Variants in NKAIN2 observed in about 807,000 individuals in gnomAD.
NKAIN2 encodes sodium/potassium transporting ATPase interacting 2.
Under a neutral mutation model 32.6 loss-of-function variants are expected in NKAIN2, and 14 were observed. The ratio of observed to expected loss-of-function variants is 0.43; its 90% CI spans 0.28 to 0.67. The LOEUF is 0.67. Among genes scored for constraint, NKAIN2 ranks in the 30% least tolerant of loss-of-function variants. The probability of loss-of-function intolerance (pLI) is 0.17; values close to 1 mark genes in which losing one functional copy is unlikely to be tolerated. For missense variants in NKAIN2, 198 were observed against 258.3 expected (o/e 0.77, Z 1.60); for synonymous variants, 80 against 87.2 (o/e 0.92, Z 0.46).
intron 3 of NKAIN2, among the ~76,000 whole-genome samples, chr6:124,358,675 C>T (rs1799110921): frequency 6.6e-6 from 1 of 152,070 alleles, no homozygotes; most frequent in African/African-American, 2.4e-5. Flanking sequence ...GATATTGGCC[C>T]TTTGTCAGAT....
intron 1 of NKAIN2, among the ~76,000 whole-genome samples, chr6:124,281,332 C>A (rs867938704): frequency 1.3e-5 from 2 of 152,098 alleles, no homozygotes; most frequent in South Asian, 4.1e-4. Context: ...TTTTTGATAC[C>A]ATTCACAGAT....
chr6:124,191,707 A>G (rs144410991), intron 1 of NKAIN2, among the ~76,000 whole-genome samples: 87 of 152,314 alleles, frequency 5.7e-4, no homozygotes, highest in African/African-American at 1.8e-3. Context: ...ATCATTAAGT[A>G]TAAGGTTAGC....
intron 1 of NKAIN2, among the ~76,000 whole-genome samples, chr6:124,094,895 A>G (rs1282089045): frequency 6.6e-6 from 1 of 152,126 alleles, no homozygotes; most frequent in African/African-American, 2.4e-5. Flanking sequence ...AAAGTTTAAG[A>G]TTCACTTTTC....
chr6:124,344,776 A>G (rs564286752), intron 2 of NKAIN2, among the ~76,000 whole-genome samples: 68 of 152,330 alleles, frequency 4.5e-4, no homozygotes, highest in Middle Eastern at 3.4e-3. Flanking sequence ...TGTCATCTGC[A>G]AACAGGGACA....
chr6:124,779,253 G>T (rs1397687646), intron 4 of NKAIN2, among the ~76,000 whole-genome samples: 3 of 25,140 alleles, frequency 1.2e-4, no homozygotes, highest in African/African-American at 2.3e-4. Context: ...AAGAAAGAGA[G>T]AGAGAGAGAG....
chr6:123,946,036 A>G (rs1048688606), intron 1 of NKAIN2, among the ~76,000 whole-genome samples: 5 of 152,138 alleles, frequency 3.3e-5, no homozygotes, highest in African/African-American at 1.2e-4. Flanking sequence ...GCATTGGAGA[A>G]TAATGTATAA....
At chr6:124,415,757 C>CCT (rs959567288) in intron 3 of NKAIN2, among the ~76,000 whole-genome samples, 1 of 151,904 alleles carries the variant, frequency 6.6e-6, no homozygotes. Context: ...ACTTTAGAGA[C>CCT]TCTAAGGACT....
chr6:124,580,945 T>A (rs1242673916), intron 3 of NKAIN2, among the ~76,000 whole-genome samples: 1 of 151,874 alleles, frequency 6.6e-6, no homozygotes, highest in Non-Finnish European at 1.5e-5. Flanking sequence ...ACAAAGAAGG[T>A]CATTATATAA....
intron 1 of NKAIN2, among the ~76,000 whole-genome samples, chr6:123,980,648 G>T (rs1299542958): frequency 6.6e-6 from 1 of 152,150 alleles, no homozygotes; most frequent in Non-Finnish European, 1.5e-5. Flanking sequence ...TTCCAAACAA[G>T]ATTTGAATAC....
intron 4 of NKAIN2, among the ~76,000 whole-genome samples, chr6:124,694,338 T>G (rs1295790855): frequency 6.6e-6 from 1 of 152,206 alleles, no homozygotes; most frequent in African/African-American, 2.4e-5. Flanking sequence ...AGCAGTATTC[T>G]GTTCCTCTGT....
rs531396800 is a variant in NKAIN2, at chr6:124,682,299, T to A, written c.474+23913T>A. Among the ~76,000 whole-genome samples the A allele has an allele frequency of 2.6e-5, 4 of 152,272 alleles. No homozygotes were observed. In the South Asian group the frequency reaches 8.3e-4, roughly 32 times the overall value. On this transcript the variant is annotated intron_variant, in intron 4 of 6. Transcript: ENST00000368417. ...TGACTAGTTCCCATTATAGGAAGGATGACCTTGTAGTCATAAGTTAGAAAA... is the reference window on the plus strand; with the variant it reads ...TGACTAGTTCCCATTATAGGAAGGAAGACCTTGTAGTCATAAGTTAGAAAA...
chr6:124,120,410 A>G (rs1785823716), intron 1 of NKAIN2, among the ~76,000 whole-genome samples: 2 of 152,176 alleles, frequency 1.3e-5, no homozygotes, highest in South Asian at 4.1e-4. Context: ...ATCAAGAGTA[A>G]TATACTTAAG....
intron 2 of NKAIN2, among the ~76,000 whole-genome samples, chr6:124,305,804 C>T (rs539404785): frequency 3.9e-5 from 6 of 152,264 alleles, no homozygotes; most frequent in African/African-American, 1.2e-4. Flanking sequence ...TCAATATACT[C>T]ATTGCCATTT....
At chr6:124,146,363 A>G (rs1038313737) in intron 1 of NKAIN2, among the ~76,000 whole-genome samples, 4 of 152,214 alleles carry the variant, frequency 2.6e-5, no homozygotes, top group African/African-American at 7.2e-5. Flanking sequence ...TTACTTTATC[A>G]TTTTGTACTC....
intron 3 of NKAIN2, among the ~76,000 whole-genome samples, chr6:124,423,545 T>G (rs1298466116): frequency 6.6e-6 from 1 of 152,230 alleles, no homozygotes; most frequent in Non-Finnish European, 1.5e-5. Flanking sequence ...AACAGTGTTG[T>G]GGTCTGAATG....
chr6:124,435,528 A>G (rs1479701360), intron 3 of NKAIN2, among the ~76,000 whole-genome samples: 3 of 152,096 alleles, frequency 2.0e-5, no homozygotes, highest in Non-Finnish European at 4.4e-5. Context: ...TAATCCCTTT[A>G]CTGTACACCT....
chr6:124,066,634 A>C (rs945186111), intron 1 of NKAIN2, among the ~76,000 whole-genome samples: 1 of 152,226 alleles, frequency 6.6e-6, no homozygotes, highest in Non-Finnish European at 1.5e-5. Flanking sequence ...TATAAATTTG[A>C]GAACTAGAAA....
chr6:124,156,983 G>C (rs1562391083), intron 1 of NKAIN2, among the ~76,000 whole-genome samples: 1 of 150,594 alleles, frequency 6.6e-6, no homozygotes, highest in Non-Finnish European at 1.5e-5. Flanking sequence ...CACATCTGTA[G>C]TTCCAGCTAC....
rs111939880 is a variant in NKAIN2, at chr6:124,087,711, G to T, written c.55-195294G>T. 2.0e-5 allele frequency among the ~76,000 whole-genome samples: 3 copies of T among 151,880 alleles called. No individual in the cohort carries two copies. The East Asian group carries it at 5.8e-4, about 29-fold the overall frequency. ...ATTAAAAAGGAGAAAATTCAATTGC[G>T]TATGTAATAGTAGGGAAAAAGTACC... On this transcript the variant is annotated intron_variant, in intron 1 of 6. Transcript: ENST00000368417.
Sources: gnomAD v4.1 joint callset for allele counts (sites outside exome capture counted in the v4.1 genomes callset) on GRCh38, gnomAD v4.1.1 for gene constraint, MANE v1.5 for transcripts, NCBI Gene and HGNC (gene_info 2026-07-23, HGNC 2026-07-21) for gene names.